The following BBX variants were observed in gnomAD, a reference collection of about 807,000 sequenced individuals.
BBX encodes HMG box transcription factor BBX.
In BBX, 30 loss-of-function variants were observed where a neutral mutation model predicts 100.2. That is an observed-to-expected ratio of 0.30 (90% CI 0.22 to 0.41). The LOEUF is 0.41. BBX is among the 10% of genes least tolerant of loss of function. The probability of loss-of-function intolerance (pLI) is 1.00; values close to 1 mark genes in which losing one functional copy is unlikely to be tolerated. For synonymous variants in BBX, 376 were observed against 388.1 expected (o/e 0.97, Z 0.37); for missense variants, 1,023 against 1,129.8 (o/e 0.91, Z 1.35).
chr3:107,542,414 T>C (rs199836548), intron 2 of BBX, among the ~76,000 whole-genome samples: 1 of 152,098 alleles, frequency 6.6e-6, no homozygotes, highest in African/African-American at 2.4e-5. Flanking sequence ...ACAGAAGAGG[T>C]TTGTTGAAGA....
At position 107,744,533 on chromosome 3, in the gene BBX, G is replaced by C. The variant is rs527918892; in HGVS notation, c.670-97G>C. The C allele has an allele frequency of 9.2e-5, 81 of 880,336 alleles. 1 individual carries two copies. In the Admixed American group the frequency reaches 1.1e-3, roughly 12 times the overall value. 54.5% of individuals were successfully genotyped at this position (880,336 alleles called of 1,614,324 possible). On this transcript the variant is annotated intron_variant, in intron 7 of 17. Coordinates refer to ENST00000325805, the MANE Select transcript of BBX (RefSeq NM_001142568.3). ...AAAAAGTGATGTTTCTGTAACTGTTGTTGATAATAAAGATCGCAAATGAAG... is the reference window on the plus strand; with the variant it reads ...AAAAAGTGATGTTTCTGTAACTGTTCTTGATAATAAAGATCGCAAATGAAG...
intron 8 of BBX, among the ~76,000 whole-genome samples, chr3:107,747,228 A>AGTGT (rs148845246): frequency 2.4e-4 from 36 of 148,184 alleles, no homozygotes; most frequent in Middle Eastern, 3.5e-3. Flanking sequence ...CTAACGTGTG[A>AGTGT]GTGTGTGTGT....
chr3:107,766,377 G>C (rs2066395257), intron 10 of BBX, among the ~76,000 whole-genome samples: 1 of 152,152 alleles, frequency 6.6e-6, no homozygotes, highest in Non-Finnish European at 1.5e-5. Context: ...CTAAAATCCA[G>C]TATGAGGTAG....
At chr3:107,575,330 G>C (rs1282414751) in intron 2 of BBX, among the ~76,000 whole-genome samples, 1 of 152,102 alleles carries the variant, frequency 6.6e-6, no homozygotes, top group African/African-American at 2.4e-5. Context: ...ATTAATATCA[G>C]TTCAGATTTT....
At chr3:107,758,574 T>G (rs2065661978) in intron 10 of BBX, among the ~76,000 whole-genome samples, 1 of 152,134 alleles carries the variant, frequency 6.6e-6, no homozygotes, top group South Asian at 2.1e-4. Flanking sequence ...TCAACTGGTT[T>G]GCCGTCCTTA....
At chr3:107,523,408 G>C (rs967222983) in intron 1 of BBX, 6 of 154,074 alleles carry the variant, frequency 3.9e-5, no homozygotes, top group African/African-American at 9.6e-5. Flanking sequence ...GGGCCGGGGG[G>C]CGGGGGGCGC....
chr3:107,547,721 C>G (rs1252965529), intron 2 of BBX, among the ~76,000 whole-genome samples: 1 of 151,990 alleles, frequency 6.6e-6, no homozygotes, highest in African/African-American at 2.4e-5. Flanking sequence ...ATCCAACCCC[C>G]AATTTCTTGT....
At chr3:107,568,574 C>G (rs561818056) in intron 2 of BBX, among the ~76,000 whole-genome samples, 90 of 152,186 alleles carry the variant, frequency 5.9e-4, no homozygotes, top group African/African-American at 2.1e-3. Context: ...CTGCTCTTTT[C>G]TTATGTTGCC....
intron 2 of BBX, among the ~76,000 whole-genome samples, chr3:107,630,031 G>T (rs969096576): frequency 6.6e-6 from 1 of 152,114 alleles, no homozygotes. Flanking sequence ...AGTCCTCTGA[G>T]CTCATCAGTC....
intron 3 of BBX, among the ~76,000 whole-genome samples, chr3:107,678,522 G>C (rs979457272): frequency 1.3e-5 from 2 of 152,080 alleles, no homozygotes; most frequent in African/African-American, 4.8e-5. Flanking sequence ...CCAGGAGTTT[G>C]AGATAAGCCT....
At position 107,666,911 on chromosome 3, in the gene BBX, C is replaced by A. The variant is rs189358553; in HGVS notation, c.-10+21002C>A. ...TTATTATTGAAAGCCTAGCTGTTAA[C>A]CTCCTACCCCCAGCCTCCATACACA... On this transcript the variant is annotated intron_variant, in intron 3 of 17. Transcript: ENST00000325805. Among the ~76,000 whole-genome samples the A allele has an allele frequency of 5.9e-5, 9 of 152,330 alleles. No homozygotes were observed. In the East Asian group the frequency reaches 1.5e-3, roughly 26 times the overall value.
chr3:107,739,842 A>C (rs1343259840), intron 7 of BBX, among the ~76,000 whole-genome samples: 1 of 152,186 alleles, frequency 6.6e-6, no homozygotes, highest in Non-Finnish European at 1.5e-5. Flanking sequence ...ACTTTATCAA[A>C]TGAGGAAACT....
rs1272319581 is a variant in BBX, at chr3:107,804,015, G to A, written c.2739-1355G>A. Reference sequence around the variant, plus strand: ...TTTTGGGTCTTTTAATATCTTAAAAGTAAAAAGTAGCATTTTAATTTCATC... The same window carrying A: ...TTTTGGGTCTTTTAATATCTTAAAAATAAAAAGTAGCATTTTAATTTCATC... On this transcript the variant is annotated intron_variant, in intron 17 of 17. Transcript: ENST00000325805. 8.8e-5 allele frequency among the ~76,000 whole-genome samples: 13 copies of A among 147,624 alleles called. No homozygotes were observed. In the Admixed American group the frequency reaches 8.9e-4, roughly 10 times the overall value.
chr3:107,592,208 G>A, intron 2 of BBX, among the ~76,000 whole-genome samples: 1 of 151,700 alleles, frequency 6.6e-6, no homozygotes, highest in Non-Finnish European at 1.5e-5. Flanking sequence ...GGTTAAAAAT[G>A]GTGTATTAAA....
chr3:107,675,226 T>C (rs190416079), intron 3 of BBX, among the ~76,000 whole-genome samples: 1 of 152,136 alleles, frequency 6.6e-6, no homozygotes, highest in African/African-American at 2.4e-5. Flanking sequence ...CTCTGTGATA[T>C]GATGAGAGGC....
intron 3 of BBX, among the ~76,000 whole-genome samples, chr3:107,664,180 G>A (rs963909140): frequency 6.6e-6 from 1 of 152,128 alleles, no homozygotes; most frequent in African/African-American, 2.4e-5. Flanking sequence ...CTTGAGTCCT[G>A]TATATGCCCT....
At chr3:107,633,179 G>A (rs2056651634) in intron 2 of BBX, among the ~76,000 whole-genome samples, 1 of 151,962 alleles carries the variant, frequency 6.6e-6, no homozygotes, top group South Asian at 2.1e-4. Flanking sequence ...ATGTTTCTAA[G>A]TGCTTTGAAT....
chr3:107,618,124 A>T (rs978784491), intron 2 of BBX, among the ~76,000 whole-genome samples: 2 of 152,034 alleles, frequency 1.3e-5, no homozygotes, highest in Non-Finnish European at 1.5e-5. Context: ...CTATACATCA[A>T]TATGATTATA....
At chr3:107,658,196 G>T (rs1157896709) in intron 3 of BBX, among the ~76,000 whole-genome samples, 6 of 152,062 alleles carry the variant, frequency 3.9e-5, no homozygotes, top group Admixed American at 2.6e-4. Flanking sequence ...TGTCTTCGTT[G>T]AGTAATCCAT....
Sources: allele counts gnomAD v4.1 joint callset (sites outside exome capture counted in the v4.1 genomes callset), GRCh38; gene constraint gnomAD v4.1.1; transcripts MANE v1.5; gene names NCBI Gene and HGNC (gene_info 2026-07-23, HGNC 2026-07-21).